PIWIL3: variants seen among roughly 807,000 people sequenced by gnomAD.
PIWIL3 encodes piwi-like protein 3.
Under a neutral mutation model 109.7 loss-of-function variants are expected in PIWIL3, and 101 were observed. The ratio of observed to expected loss-of-function variants is 0.92; its 90% CI spans 0.78 to 1.09. The LOEUF (loss-of-function observed/expected upper bound fraction) is 1.09, where lower values mean the gene tolerates loss of function less well. Among genes scored for constraint, PIWIL3 ranks in the 50% least tolerant of loss-of-function variants. The pLI is 0.00. For synonymous variants in PIWIL3, 373 were observed against 376.4 expected (o/e 0.99, Z 0.10); for missense variants, 1,031 against 1,072.6 (o/e 0.96, Z 0.54).
At chr22:24,770,166 A>G (rs1218535398) in intron 1 of PIWIL3, among the ~76,000 whole-genome samples, 2 of 152,186 alleles carry the variant, frequency 1.3e-5, no homozygotes, top group African/African-American at 4.8e-5. Context: ...GGGGCAGTGA[A>G]GCACAGAGGG....
intron 7 of PIWIL3, 73 bp from the exon 8 acceptor site, chr22:24,754,290 G>A: frequency 7.5e-7 from 1 of 1,341,694 alleles, no homozygotes; most frequent in Non-Finnish European, 1.0e-6. Context: ...CCTAAGCTCT[G>A]GGTCTAAAAA....
At position 24,759,850 on chromosome 22, in the gene PIWIL3, CCTT is replaced by C. The variant is rs553549696; in HGVS notation, c.223+16_223+18del. 7.7e-4 allele frequency: 1,238 copies of C among 1,613,944 alleles called. 9 individuals carry two copies. The highest frequency in any genetic ancestry group is 2.7e-3 in the South Asian group (244 of 91,056). On this transcript the variant is annotated intron_variant, in intron 3 of 20. Coordinates refer to ENST00000616349, the MANE Select transcript of PIWIL3 (RefSeq NM_001255975.1). ...ATGAAGCATCCCCTGCCCCTCATGT[CCTT>C]CTTGCTTCCTTTCACCTTGAGACTG...
At chr22:24,730,484 A>C (rs1043583959) in intron 14 of PIWIL3, among the ~76,000 whole-genome samples, 4 of 152,128 alleles carry the variant, frequency 2.6e-5, no homozygotes, top group Non-Finnish European at 4.4e-5. Flanking sequence ...GAGATTAATG[A>C]AGCAGCATAT....
intron 1 of PIWIL3, among the ~76,000 whole-genome samples, chr22:24,772,674 CCT>C (rs1454768001): frequency 6.6e-6 from 1 of 151,988 alleles, no homozygotes; most frequent in East Asian, 1.9e-4. Context: ...GACCAGCTCC[CCT>C]GTCTTTCCCA....
chr22:24,720,418 C>T (rs998459693), intron 19 of PIWIL3, among the ~76,000 whole-genome samples: 5 of 151,592 alleles, frequency 3.3e-5, no homozygotes. Flanking sequence ...ACTACAGGCG[C>T]CCACCACCAC....
intron 14 of PIWIL3, among the ~76,000 whole-genome samples, chr22:24,730,995 G>A (rs1923316293): frequency 6.6e-6 from 1 of 152,116 alleles, no homozygotes; most frequent in South Asian, 2.1e-4. Context: ...GTACTGAGTG[G>A]TTAAGTTAAA....
intron 16 of PIWIL3, among the ~76,000 whole-genome samples, chr22:24,727,466 G>A (rs1446432729): frequency 6.6e-6 from 1 of 152,158 alleles, no homozygotes; most frequent in Non-Finnish European, 1.5e-5. Context: ...ATCAAGACTG[G>A]CCTGCAGCTG....
intron 18 of PIWIL3, among the ~76,000 whole-genome samples, chr22:24,724,528 G>A (rs184534608): frequency 1.1e-3 from 167 of 150,968 alleles, no homozygotes; most frequent in African/African-American, 3.9e-3. Context: ...TCTGCCTCCC[G>A]GGTTCAAGTG....
intron 5 of PIWIL3, among the ~76,000 whole-genome samples, 162 bp downstream of exon 5, chr22:24,756,329 G>A (rs1355115943): frequency 6.6e-6 from 1 of 152,118 alleles, no homozygotes; most frequent in Non-Finnish European, 1.5e-5. Flanking sequence ...TTGAATATCA[G>A]TGATAACCGA....
At chr22:24,751,041 T>C (rs1924678141) in intron 9 of PIWIL3, among the ~76,000 whole-genome samples, 1 of 151,868 alleles carries the variant, frequency 6.6e-6, no homozygotes, top group African/African-American at 2.4e-5. Flanking sequence ...GGAAAATTGC[T>C]TGAACCTGAA....
At chr22:24,720,417 GC>G (rs751971322) in intron 19 of PIWIL3, among the ~76,000 whole-genome samples, 1 of 151,498 alleles carries the variant, frequency 6.6e-6, no homozygotes, top group South Asian at 2.1e-4. Context: ...GACTACAGGC[GC>G]CCACCACCAC....
At chr22:24,737,570 G>T (rs1398508153) in intron 12 of PIWIL3, among the ~76,000 whole-genome samples, 1 of 152,174 alleles carries the variant, frequency 6.6e-6, no homozygotes, top group African/African-American at 2.4e-5. Flanking sequence ...AAAAGTGGAA[G>T]AGTAAAGGGG....
At position 24,724,922 on chromosome 22, in the gene PIWIL3, C is replaced by G. The variant is rs1484559457; in HGVS notation, c.2196G>C (p.Lys732Asn). The change falls in exon 18 of 21, where the codon AAG (lysine) becomes AAC (asparagine). Residue 732 changes from lysine (K) to asparagine (N), a missense_variant. By Grantham distance (94) the Lys-to-Asn change is moderately conservative. Coordinates refer to ENST00000616349, the MANE Select transcript of PIWIL3 (RefSeq NM_001255975.1). The stretch of plus-strand genomic sequence containing the variant: ...AGATGGTTTTTAAGTAGGTCGACAT[C>G]TTTTTCGCTTCATGGTCAAGCAATG... ...LQALLDHEAK[K>N]MSTYLKTISP... 6.2e-7 allele frequency: 1 copy of G among 1,614,098 alleles called. No homozygotes were observed. Among genetic ancestry groups the G allele is most frequent in the Non-Finnish European group, 8.5e-7 (1 of 1,180,010 alleles).
chr22:24,743,934 G>A (rs896391388), intron 12 of PIWIL3, among the ~76,000 whole-genome samples: 3 of 151,660 alleles, frequency 2.0e-5, no homozygotes, highest in Non-Finnish European at 2.9e-5. Context: ...TAAAAGAAGG[G>A]GTTATAAGAC....
intron 1 of PIWIL3, among the ~76,000 whole-genome samples, chr22:24,768,960 C>T (rs781705648): frequency 6.6e-6 from 1 of 152,178 alleles, no homozygotes; most frequent in Non-Finnish European, 1.5e-5. Flanking sequence ...GTTCCATGGG[C>T]TCAGCTTGTC....
chr22:24,760,373 T>C (rs1336027499), intron 2 of PIWIL3, among the ~76,000 whole-genome samples: 3 of 152,050 alleles, frequency 2.0e-5, no homozygotes, highest in Non-Finnish European at 2.9e-5. Flanking sequence ...AGTTCTGCAG[T>C]TGGGAACGTT....
At chr22:24,742,759 CAA>C (rs1041802691) in intron 12 of PIWIL3, among the ~76,000 whole-genome samples, 23 of 152,114 alleles carry the variant, frequency 1.5e-4, no homozygotes, top group African/African-American at 5.3e-4. Context: ...CAAGATGGAT[CAA>C]AGACTTAAAT....
rs985311731 is a variant in PIWIL3 at position 24,725,391 on chromosome 22, G to A, written c.2080+54C>T. ...GTCCCCTGGAGGCAGTAAGTCCATT[G>A]GTGGAGAACTACTTGTATAGTGTCG... On this transcript the variant is annotated intron_variant, in intron 17 of 20. Coordinates refer to ENST00000616349, the MANE Select transcript of PIWIL3 (RefSeq NM_001255975.1). 4 of 1,592,932 alleles carry A rather than the reference G, an allele frequency of 2.5e-6. No homozygotes were observed. In the African/African-American group the frequency reaches 4.0e-5, roughly 16 times the overall value.
intron 13 of PIWIL3, 67 bp from the exon 14 acceptor site, chr22:24,734,223 AAATT>A: frequency 5.7e-6 from 9 of 1,570,436 alleles, no homozygotes; most frequent in Non-Finnish European, 7.7e-6. Context: ...TTCACCCAGC[AAATT>A]AAATACAAAG....
Sources: allele counts gnomAD v4.1 joint callset (sites outside exome capture counted in the v4.1 genomes callset), GRCh38; gene constraint gnomAD v4.1.1; transcripts MANE v1.5; gene names NCBI Gene and HGNC (gene_info 2026-07-23, HGNC 2026-07-21).